The following DIAPH2 variants were observed in gnomAD, a reference collection of about 807,000 sequenced individuals.
DIAPH2 encodes diaphanous related formin 2, also known as protein diaphanous homolog 2.
Under a neutral mutation model 92.7 loss-of-function variants are expected in DIAPH2, and 35 were observed. That is an observed-to-expected ratio of 0.38 (90% CI 0.29 to 0.50). The LOEUF (loss-of-function observed/expected upper bound fraction) is 0.50. DIAPH2 is among the 20% of genes least tolerant of loss of function. The probability of loss-of-function intolerance (pLI) is 0.94; values close to 1 mark genes in which losing one functional copy is unlikely to be tolerated. For synonymous variants in DIAPH2, 301 were observed against 280.4 expected, an observed-to-expected ratio of 1.07 and a Z score of -0.73; for missense variants, 701 against 819.5, an observed-to-expected ratio of 0.86 and a Z score of 1.77.
chrX:97,375,465 C>CA (rs1033403448), intron 24 of DIAPH2, among the ~76,000 whole-genome samples: 6 of 110,504 alleles, frequency 5.4e-5, no homozygotes, highest in Admixed American at 1.9e-4. Context: ...TCAAAAAAAA[C>CA]AAAAACAAAC....
At chrX:96,734,568 A>G (rs2147565033) in intron 1 of DIAPH2, among the ~76,000 whole-genome samples, 1 of 111,543 alleles carries the variant, frequency 9.0e-6, no homozygotes, top group South Asian at 3.8e-4. Flanking sequence ...AATAATTCCC[A>G]CTTTTTTCCT....
At chrX:96,967,571 C>T (rs1425443795) in intron 17 of DIAPH2, among the ~76,000 whole-genome samples, 2 of 109,465 alleles carry the variant, frequency 1.8e-5, no homozygotes, top group African/African-American at 3.3e-5. Context: ...AGGCGCCCAC[C>T]ACCCTTAGCT....
At chrX:96,784,465 C>G (rs1168200758) in intron 4 of DIAPH2, among the ~76,000 whole-genome samples, 1 of 111,546 alleles carries the variant, frequency 9.0e-6, no homozygotes, top group African/African-American at 3.3e-5. Context: ...AAAGGTTCCT[C>G]TGTCCACTAT....
intron 3 of DIAPH2, among the ~76,000 whole-genome samples, chrX:96,755,929 A>G (rs1051663677): frequency 9.2e-6 from 1 of 108,274 alleles, no homozygotes; most frequent in Admixed American, 9.9e-5. Flanking sequence ...AGTGACAGGA[A>G]CACAGCTCAC....
At chrX:97,486,406 G>A (rs11798175) in intron 26 of DIAPH2, among the ~76,000 whole-genome samples, 9,684 of 110,954 alleles carry the variant, frequency 0.087, 482 homozygotes, top group Non-Finnish European at 0.13. Flanking sequence ...TTGGATTCTC[G>A]TGCTAGAGAA....
chrX:97,313,715 T>A (rs755519912), intron 23 of DIAPH2, among the ~76,000 whole-genome samples: 108 of 109,802 alleles, frequency 9.8e-4, no homozygotes, highest in African/African-American at 3.4e-3. Flanking sequence ...CTCGGCTCAC[T>A]GCAACATCCA....
intron 4 of DIAPH2, among the ~76,000 whole-genome samples, chrX:96,765,736 G>T: frequency 9.0e-6 from 1 of 110,975 alleles, no homozygotes; most frequent in Admixed American, 9.6e-5. Context: ...CATTCAAATG[G>T]CTCCCTGTTG....
chrX:97,075,378 A>C, intron 19 of DIAPH2, 117 bp downstream of exon 19: 1 of 378,673 alleles, frequency 2.6e-6, no homozygotes. Flanking sequence ...AAAGACATTG[A>C]ATAGTTTAAT....
intron 19 of DIAPH2, among the ~76,000 whole-genome samples, chrX:97,078,467 C>T (rs1243998014): frequency 9.0e-6 from 1 of 111,114 alleles, no homozygotes; most frequent in Non-Finnish European, 1.9e-5. Flanking sequence ...GTATAGGCAA[C>T]AGACCAAAGT....
intron 22 of DIAPH2, among the ~76,000 whole-genome samples, chrX:97,180,548 C>T (rs2067530851): frequency 8.9e-6 from 1 of 111,814 alleles, no homozygotes; most frequent in African/African-American, 3.3e-5. Context: ...GTTGCCATTG[C>T]TTTTGGTGGT....
intron 26 of DIAPH2, among the ~76,000 whole-genome samples, chrX:97,557,013 A>T (rs944593048): frequency 8.9e-6 from 1 of 111,889 alleles, no homozygotes; most frequent in Non-Finnish European, 1.9e-5. Flanking sequence ...GGTAAAGGAT[A>T]TTGGAGTTCA....
intron 17 of DIAPH2, among the ~76,000 whole-genome samples, chrX:96,978,945 T>C (rs1474426253): frequency 9.0e-6 from 1 of 111,584 alleles, no homozygotes; most frequent in Non-Finnish European, 1.9e-5. Context: ...TGGATGTTTG[T>C]TGTCCAGAAC....
At chrX:97,550,413 C>A (rs2071211694) in intron 26 of DIAPH2, among the ~76,000 whole-genome samples, 1 of 111,906 alleles carries the variant, frequency 8.9e-6, no homozygotes, top group South Asian at 3.7e-4. Context: ...ACAATCTGGT[C>A]TTTCATATAT....
intron 22 of DIAPH2, among the ~76,000 whole-genome samples, chrX:97,227,272 T>TAA (rs983253728): frequency 9.4e-6 from 1 of 106,807 alleles, no homozygotes; most frequent in African/African-American, 3.4e-5. Context: ...AGACTTCGTC[T>TAA]AAAAAAAAAA....
At chrX:97,491,841 C>A (rs750096875) in intron 26 of DIAPH2, among the ~76,000 whole-genome samples, 72 of 111,591 alleles carry the variant, frequency 6.5e-4, no homozygotes, top group African/African-American at 2.1e-3. Context: ...TAGTGATATG[C>A]TTTGGTTCCT....
At chrX:97,424,506 A>G (rs1308491738) in intron 25 of DIAPH2, among the ~76,000 whole-genome samples, 2 of 112,241 alleles carry the variant, frequency 1.8e-5, no homozygotes, top group East Asian at 5.6e-4. Flanking sequence ...CAGTGGGAGG[A>G]AGACAATAAT....
intron 22 of DIAPH2, among the ~76,000 whole-genome samples, chrX:97,186,065 A>G (rs182234251): frequency 2.7e-5 from 3 of 111,425 alleles, no homozygotes; most frequent in Non-Finnish European, 5.7e-5. Flanking sequence ...CCGGACCTAT[A>G]TAAATGATTT....
chrX:97,270,727 G>T (rs2068379526), intron 23 of DIAPH2, among the ~76,000 whole-genome samples: 1 of 110,915 alleles, frequency 9.0e-6, no homozygotes, highest in Non-Finnish European at 1.9e-5. Context: ...TACTTTTCCT[G>T]GAACTTCCAC....
At chrX:96,711,794 C>T (rs1381844753) in intron 1 of DIAPH2, among the ~76,000 whole-genome samples, 1 of 110,292 alleles carries the variant, frequency 9.1e-6, no homozygotes, top group African/African-American at 3.3e-5. Flanking sequence ...TCTTTTAGCT[C>T]TGCTGTTGCT....
Sources: allele counts gnomAD v4.1 joint callset (sites outside exome capture counted in the v4.1 genomes callset), GRCh38; gene constraint gnomAD v4.1.1; transcripts MANE v1.5; gene names NCBI Gene and HGNC (gene_info 2026-07-23, HGNC 2026-07-21).